Variants in SCAI observed in about 807,000 individuals in gnomAD.
SCAI encodes protein SCAI.
A neutral mutation model predicts 92.2 loss-of-function variants in SCAI; 24 were observed. The ratio of observed to expected loss-of-function variants is 0.26; its 90% CI spans 0.19 to 0.37. The LOEUF (loss-of-function observed/expected upper bound fraction) is 0.37, where lower values mean the gene tolerates loss of function less well. Among genes scored for constraint, SCAI ranks in the 10% least tolerant of loss-of-function variants. SCAI has a pLI of 1.00. For missense variants in SCAI, 450 were observed against 736.2 expected, an observed-to-expected ratio of 0.61 and a Z score of 4.50; for synonymous variants, 261 against 258.6, an observed-to-expected ratio of 1.01 and a Z score of -0.09.
chr9:125,082,622 C>T (rs1176173121), intron 2 of SCAI, among the ~76,000 whole-genome samples: 1 of 152,248 alleles, frequency 6.6e-6, no homozygotes, highest in Non-Finnish European at 1.5e-5. Flanking sequence ...TGCAAAGTCA[C>T]AGGGGCAGAG....
At chr9:125,076,225 G>A (rs557851475) in intron 2 of SCAI, among the ~76,000 whole-genome samples, 5 of 152,240 alleles carry the variant, frequency 3.3e-5, no homozygotes, top group South Asian at 2.1e-4. Context: ...TGGGCCAGGC[G>A]TGGTGGCTCA....
chr9:125,011,179 C>T (rs1444209925), intron 9 of SCAI, among the ~76,000 whole-genome samples: 57 of 152,190 alleles, frequency 3.7e-4, no homozygotes, highest in African/African-American at 2.2e-4. Context: ...CAAAGCTGGA[C>T]GGAGAATGAC....
intron 9 of SCAI, among the ~76,000 whole-genome samples, chr9:125,004,805 T>TTTTTTTA: frequency 9.3e-6 from 1 of 107,438 alleles, no homozygotes; most frequent in Non-Finnish European, 1.8e-5. Flanking sequence ...TTTTTTTTTT[T>TTTTTTTA]GAGATGGAGT....
Position 125,143,475 on chromosome 9 carries a change from C to G in SCAI, c.-38G>C. The G allele has an allele frequency of 7.5e-7, 1 of 1,328,824 alleles. No homozygotes were observed. The highest frequency in any genetic ancestry group is 9.6e-7 in the Non-Finnish European group (1 of 1,039,460). The allele number at this position is 1,328,824 out of a possible 1,614,324, so 82.3% of individuals were successfully genotyped here. ...CCGCCGCGGGAGCTGCTCCGGCGGC[C>G]GCAGGGCTCGCTCGGGAAGCTGAGG... On this transcript the variant is annotated 5_prime_UTR_variant, in exon 1 of 18. Coordinates refer to ENST00000336505, the MANE Select transcript of SCAI (RefSeq NM_001144877.3).
At chr9:125,075,556 T>A (rs1834071143) in intron 2 of SCAI, among the ~76,000 whole-genome samples, 1 of 145,834 alleles carries the variant, frequency 6.9e-6, no homozygotes, top group African/African-American at 2.6e-5. Flanking sequence ...CACCACCACG[T>A]CCAGCTAATT....
chr9:125,064,995 C>A (rs1184021006), intron 2 of SCAI, among the ~76,000 whole-genome samples: 1 of 152,024 alleles, frequency 6.6e-6, no homozygotes, highest in Non-Finnish European at 1.5e-5. Context: ...ACAGATAATT[C>A]TATGCTTAGA....
intron 2 of SCAI, among the ~76,000 whole-genome samples, chr9:125,112,809 G>T (rs1209906710): frequency 6.6e-6 from 1 of 152,092 alleles, no homozygotes; most frequent in African/African-American, 2.4e-5. Flanking sequence ...TGCCAGAAAG[G>T]GAAGGAAATA....
intron 2 of SCAI, among the ~76,000 whole-genome samples, chr9:125,126,548 AGGTG>A (rs921628575): frequency 2.6e-4 from 29 of 113,404 alleles, no homozygotes; most frequent in African/African-American, 1.0e-3. Flanking sequence ...CCGCAAAGTG[AGGTG>A]GGTGGGTGGG....
chr9:125,057,575 C>CA (rs1319730740), intron 2 of SCAI, among the ~76,000 whole-genome samples: 2 of 152,124 alleles, frequency 1.3e-5, no homozygotes, highest in African/African-American at 4.8e-5. Context: ...AGTGGGTATC[C>CA]ACATCACAGG....
chr9:125,088,540 C>T (rs1051343726), intron 2 of SCAI, among the ~76,000 whole-genome samples: 1 of 152,186 alleles, frequency 6.6e-6, no homozygotes, highest in African/African-American at 2.4e-5. Context: ...CCTGTACAGG[C>T]TATAGTACTA....
intron 2 of SCAI, among the ~76,000 whole-genome samples, chr9:125,087,348 G>A (rs1834342960): frequency 6.6e-6 from 1 of 152,168 alleles, no homozygotes; most frequent in African/African-American, 2.4e-5. Flanking sequence ...TGGTTATCAG[G>A]CAGAAAGTTG....
chr9:124,976,918 G>C (rs980106659), intron 14 of SCAI, among the ~76,000 whole-genome samples: 3 of 151,790 alleles, frequency 2.0e-5, no homozygotes, highest in African/African-American at 2.4e-5. Context: ...GCCCAGGCTG[G>C]AGTGCAATGG....
intron 2 of SCAI, among the ~76,000 whole-genome samples, chr9:125,066,964 A>G (rs1451956812): frequency 6.6e-6 from 1 of 152,230 alleles, no homozygotes; most frequent in Non-Finnish European, 1.5e-5. Context: ...GGTATGTAGG[A>G]AGCCTATACC....
chr9:125,138,279 G>C, intron 2 of SCAI, among the ~76,000 whole-genome samples: 1 of 128,826 alleles, frequency 7.8e-6, no homozygotes, highest in East Asian at 2.4e-4. Flanking sequence ...TTTGGAGACA[G>C]AGTTTCGCTC....
intron 2 of SCAI, among the ~76,000 whole-genome samples, chr9:125,118,597 G>A (rs1835098994): frequency 6.6e-6 from 1 of 152,034 alleles, no homozygotes; most frequent in Admixed American, 6.6e-5. Flanking sequence ...TTGTTACACA[G>A]GTATACATGT....
At chr9:125,052,488 A>C (rs1477325377) in intron 3 of SCAI, among the ~76,000 whole-genome samples, 1 of 151,896 alleles carries the variant, frequency 6.6e-6, no homozygotes, top group African/African-American at 2.4e-5. Context: ...GTGGGTGCCG[A>C]GGCAGGAGAA....
rs765030983 is a variant in SCAI at position 124,994,952 on chromosome 9, A to G, written c.1308T>C (p.Ser436=). The change falls in exon 14 of 18, where the codon TCT becomes TCC. Residue 436 remains serine, a synonymous_variant. Coordinates refer to ENST00000336505, the MANE Select transcript of SCAI (RefSeq NM_001144877.3). The part of the protein sequence containing the change: ...RKPLFIIVDS[S]NSVAYKNFTN... Reference sequence around the variant, plus strand: ...AACTCACCTTATACGCAACACTATTAGACGAATCCACAATGATGAACAGTG... The same window carrying G: ...AACTCACCTTATACGCAACACTATTGGACGAATCCACAATGATGAACAGTG... 5 of 1,612,648 alleles carry G rather than the reference A, an allele frequency of 3.1e-6. No individual in the cohort carries two copies. Among genetic ancestry groups the G allele is most frequent in the Admixed American group, 3.3e-5 (2 of 59,900 alleles).
At chr9:125,013,585 G>A (rs937089165) in intron 9 of SCAI, among the ~76,000 whole-genome samples, 9 of 152,246 alleles carry the variant, frequency 5.9e-5, no homozygotes, top group South Asian at 4.1e-4. Flanking sequence ...ATTCACAGCC[G>A]AATGCTACCA....
At chr9:124,989,751 C>T (rs925416332) in intron 14 of SCAI, among the ~76,000 whole-genome samples, 10 of 150,200 alleles carry the variant, frequency 6.7e-5, no homozygotes, top group Admixed American at 1.3e-4. Context: ...GGTATGGTGG[C>T]GCGTGCCTGT....
Sources: gnomAD v4.1 joint callset for allele counts (sites outside exome capture counted in the v4.1 genomes callset) on GRCh38, gnomAD v4.1.1 for gene constraint, MANE v1.5 for transcripts, NCBI Gene and HGNC (gene_info 2026-07-23, HGNC 2026-07-21) for gene names.